The following SESTD1 variants were observed in gnomAD, a reference collection of about 807,000 sequenced individuals.
The protein encoded by SESTD1 is SEC14 and spectrin domain containing 1, also known as SEC14 domain and spectrin repeat-containing protein 1.
SESTD1 carries 43 observed loss-of-function variants against 101.7 expected under a neutral mutation model. That is an observed-to-expected ratio of 0.42 (90% CI 0.33 to 0.55). SESTD1 has a LOEUF of 0.55. Ranked by LOEUF, SESTD1 falls within the 20% of genes least tolerant of loss-of-function variation. The pLI is 0.07. For synonymous variants in SESTD1, 283 were observed against 286.8 expected, an observed-to-expected ratio of 0.99 and a Z score of 0.13; for missense variants, 647 against 815.1, an observed-to-expected ratio of 0.79 and a Z score of 2.51.
At chr2:179,263,434 A>C (rs1410093255) in intron 1 of SESTD1, among the ~76,000 whole-genome samples, 1 of 152,204 alleles carries the variant, frequency 6.6e-6, no homozygotes, top group Non-Finnish European at 1.5e-5. Flanking sequence ...GAAAAAGTAT[A>C]TAGATATATG....
At chr2:179,197,027 T>C (rs767343618) in intron 1 of SESTD1, among the ~76,000 whole-genome samples, 4 of 152,098 alleles carry the variant, frequency 2.6e-5, no homozygotes, top group African/African-American at 4.8e-5. Flanking sequence ...CGGGAGGACA[T>C]GCAAACCAAA....
At chr2:179,238,256 T>C (rs1245493038) in intron 1 of SESTD1, among the ~76,000 whole-genome samples, 1 of 152,076 alleles carries the variant, frequency 6.6e-6, no homozygotes, top group African/African-American at 2.4e-5. Flanking sequence ...GGGTGACAGA[T>C]ATAGAAGAAA....
intron 1 of SESTD1, among the ~76,000 whole-genome samples, chr2:179,221,598 G>A (rs1332733949): frequency 1.5e-4 from 23 of 150,404 alleles, no homozygotes; most frequent in African/African-American, 5.4e-4. Flanking sequence ...CAGCCTGGGT[G>A]ACAGAGTGAG....
chr2:179,132,338 T>A lies in SESTD1; in HGVS notation c.938A>T (p.Gln313Leu). The change falls in exon 10 of 18, where the codon CAG (glutamine) becomes CTG (leucine). Residue 313 changes from glutamine to leucine, a missense_variant. Transcript: ENST00000428443. The stretch of plus-strand genomic sequence containing the variant: ...GCTCTCAATCTCTTCGTGTTTCTGC[T>A]GTAGGGCCTGGGAGGCCCTAATGGA... ...GDSIRASQALQQKHEEIESQH... is the reference protein window; with the variant it reads ...GDSIRASQALLQKHEEIESQH... The A allele has an allele frequency of 6.4e-7, 1 of 1,559,818 alleles. No homozygotes were observed. The highest frequency in any genetic ancestry group is 8.6e-7 in the Non-Finnish European group (1 of 1,164,006).
In SESTD1 at chr2:179,204,942, C is replaced by T. The variant is rs1176716250; in HGVS notation, c.-25-13076G>A. On this transcript the variant is annotated intron_variant, in intron 1 of 17. Coordinates refer to ENST00000428443, the MANE Select transcript of SESTD1 (RefSeq NM_178123.5). ...GATACAGAGACAACAGTCACAGAAACGGAACTGGCTTCCTAACCAGATTTT... is the reference window on the plus strand; with the variant it reads ...GATACAGAGACAACAGTCACAGAAATGGAACTGGCTTCCTAACCAGATTTT... Among the ~76,000 whole-genome samples the T allele has an allele frequency of 5.2e-5, 7 of 134,792 alleles. 1 individual carries two copies. In the East Asian group the frequency reaches 9.9e-4, roughly 19 times the overall value. 88.4% of individuals were successfully genotyped at this position (134,792 alleles called of 152,430 possible).
chr2:179,192,518 T>C (rs1193513508), intron 1 of SESTD1, among the ~76,000 whole-genome samples: 1 of 152,206 alleles, frequency 6.6e-6, no homozygotes, highest in African/African-American at 2.4e-5. Flanking sequence ...AGGGAAAAAT[T>C]TGATTAGGCC....
At position 179,107,547 on chromosome 2, in the gene SESTD1, T is replaced by C. The variant is rs1010003613; in HGVS notation, c.*2352A>G. 9 of 152,172 alleles carry C rather than the reference T, an allele frequency of 5.9e-5. No homozygotes were observed. The highest frequency in any genetic ancestry group is 2.1e-4 in the South Asian group (1 of 4,836). The allele number at this position is 152,172 out of a possible 1,614,324, so 9.4% of individuals were successfully genotyped here. A position where few individuals can be genotyped will look rare whatever the true frequency, so the allele number is the denominator to read the frequency against. ...ATTCAGAAGAAACAGATATTGAGTA[T>C]TGATATTTAGTTATTGAGTATAACT... On this transcript the variant is annotated 3_prime_UTR_variant, in exon 18 of 18. Coordinates refer to ENST00000428443, the MANE Select transcript of SESTD1 (RefSeq NM_178123.5).
chr2:179,181,849 G>T lies in SESTD1; in HGVS notation c.164+1231C>A, dbSNP rs141699928. Reference sequence around the variant, plus strand: ...ATGATGAACAAGTTAGCAATCCACAGCTTGGGGGATTAGCAAGATTACTGC... The same window carrying T: ...ATGATGAACAAGTTAGCAATCCACATCTTGGGGGATTAGCAAGATTACTGC... On this transcript the variant is annotated intron_variant, in intron 3 of 17. Transcript: ENST00000428443. Among the ~76,000 whole-genome samples the T allele has an allele frequency of 4.1e-4, 63 of 152,198 alleles. 1 individual carries two copies. In the East Asian group the frequency reaches 9.1e-3, roughly 22 times the overall value.
At chr2:179,232,881 G>A (rs141834039) in intron 1 of SESTD1, among the ~76,000 whole-genome samples, 148 of 152,210 alleles carry the variant, frequency 9.7e-4, no homozygotes, top group African/African-American at 3.2e-3. Flanking sequence ...CAGGATAATC[G>A]CCTAGGAAGC....
intron 8 of SESTD1, 152 bp downstream of exon 8, chr2:179,146,250 G>A (rs1575441509): frequency 1.5e-6 from 1 of 671,866 alleles, no homozygotes. Flanking sequence ...CAGAAAAACT[G>A]TCTTCCACAA....
At chr2:179,241,115 CACAA>C (rs533045217) in intron 1 of SESTD1, among the ~76,000 whole-genome samples, 312 of 151,978 alleles carry the variant, frequency 2.1e-3, no homozygotes, top group African/African-American at 6.9e-3. Context: ...AGAATGAGGG[CACAA>C]ACAAAGGAAA....
intron 5 of SESTD1, among the ~76,000 whole-genome samples, chr2:179,164,703 A>G (rs1261241225): frequency 6.6e-6 from 1 of 152,176 alleles, no homozygotes; most frequent in African/African-American, 2.4e-5. Context: ...GATGAAAAAC[A>G]TTGGAGGAGT....
intron 5 of SESTD1, among the ~76,000 whole-genome samples, chr2:179,168,016 G>C (rs188328993): frequency 7.2e-5 from 11 of 152,238 alleles, no homozygotes; most frequent in African/African-American, 1.7e-4. Flanking sequence ...CACTGCCTTG[G>C]CCTCCCAAAG....
intron 15 of SESTD1, among the ~76,000 whole-genome samples, chr2:179,115,593 A>G (rs999124029): frequency 2.0e-5 from 3 of 151,708 alleles, no homozygotes; most frequent in Non-Finnish European, 4.4e-5. Flanking sequence ...AAAAAAATGA[A>G]AAAAATTAGT....
At position 179,145,758 on chromosome 2, in the gene SESTD1, G is replaced by A. The variant is rs185575359; in HGVS notation, c.637+644C>T. ...AGAGCTTAATAGTTACTTGATCTTC[G>A]GCAAGTCATTTTGGCTTCCTGCAGT... On this transcript the variant is annotated intron_variant, in intron 8 of 17. Transcript: ENST00000428443. Among the ~76,000 whole-genome samples the A allele has an allele frequency of 6.6e-5, 10 of 152,204 alleles. No homozygotes were observed. In the East Asian group the frequency reaches 1.4e-3, roughly 21 times the overall value.
intron 2 of SESTD1, among the ~76,000 whole-genome samples, chr2:179,185,612 CACT>C (rs2046206260): frequency 1.8e-5 from 2 of 111,658 alleles, no homozygotes; most frequent in Admixed American, 2.1e-4. Flanking sequence ...ACATATATAA[CACT>C]ATTATACAAT....
intron 1 of SESTD1, among the ~76,000 whole-genome samples, chr2:179,257,391 T>C (rs2047413583): frequency 6.6e-6 from 1 of 152,250 alleles, no homozygotes. Context: ...TAAAGTATTT[T>C]TAAATGAAGA....
intron 1 of SESTD1, among the ~76,000 whole-genome samples, chr2:179,228,464 A>G (rs769097718): frequency 4.6e-5 from 7 of 152,210 alleles, no homozygotes; most frequent in Non-Finnish European, 1.0e-4. Flanking sequence ...GCCTTAAGAT[A>G]CAAGCCTGTG....
At chr2:179,114,536 G>A (rs549172402) in intron 16 of SESTD1, among the ~76,000 whole-genome samples, 1 of 152,090 alleles carries the variant, frequency 6.6e-6, no homozygotes, top group East Asian at 1.9e-4. Flanking sequence ...TTTATTTTTT[G>A]TTTCTGAAAT....
Sources: gnomAD v4.1 joint callset for allele counts (sites outside exome capture counted in the v4.1 genomes callset) on GRCh38, gnomAD v4.1.1 for gene constraint, MANE v1.5 for transcripts, NCBI Gene and HGNC (gene_info 2026-07-23, HGNC 2026-07-21) for gene names.